CCDC148: variants seen among roughly 807,000 people sequenced by gnomAD.
CCDC148 encodes the protein coiled-coil domain containing 148.
A neutral mutation model predicts 85.7 loss-of-function variants in CCDC148; 89 were observed. The ratio of observed to expected loss-of-function variants is 1.04; its 90% CI spans 0.87 to 1.24. The LOEUF (loss-of-function observed/expected upper bound fraction) is 1.24, where lower values mean the gene tolerates loss of function less well. CCDC148 is among the 50% of genes most tolerant of loss of function. The pLI, the probability that CCDC148 is intolerant of heterozygous loss-of-function variation, is 0.00. For synonymous variants in CCDC148, 230 were observed against 213.9 expected, an observed-to-expected ratio of 1.08 and a Z score of -0.66; for missense variants, 692 against 671.7, an observed-to-expected ratio of 1.03 and a Z score of -0.33.
intron 9 of CCDC148, among the ~76,000 whole-genome samples, chr2:158,304,965 C>T (rs138746602): frequency 3.3e-5 from 5 of 152,114 alleles, no homozygotes; most frequent in Admixed American, 2.0e-4. Flanking sequence ...GACTATAGAA[C>T]CTGTGGAAGC....
At chr2:158,288,412 A>G (rs1690732790) in intron 9 of CCDC148, among the ~76,000 whole-genome samples, 1 of 152,190 alleles carries the variant, frequency 6.6e-6, no homozygotes, top group African/African-American at 2.4e-5. Context: ...AATGCCTTTA[A>G]CAGAACCCAG....
rs1259015472 is a variant in CCDC148 at position 158,171,911 on chromosome 2, T to C, written c.*202A>G. The C allele has an allele frequency of 4.7e-6, 2 of 423,454 alleles. No individual in the cohort carries two copies. Among genetic ancestry groups the C allele is most frequent in the Non-Finnish European group, 8.2e-6 (2 of 242,876 alleles). 26.2% of individuals were successfully genotyped at this position (423,454 alleles called of 1,614,324 possible). A position where few individuals can be genotyped will look rare whatever the true frequency, so the allele number is the denominator to read the frequency against. On this transcript the variant is annotated 3_prime_UTR_variant, in exon 14 of 14. Coordinates refer to ENST00000283233, the MANE Select transcript of CCDC148 (RefSeq NM_138803.4). ...AGTTCCATAATTTGGGGGAATTTAGTACTATTAAATATAACTTAAAGATAC... is the reference window on the plus strand; with the variant it reads ...AGTTCCATAATTTGGGGGAATTTAGCACTATTAAATATAACTTAAAGATAC...
At chr2:158,282,391 A>C (rs1193793757) in intron 9 of CCDC148, among the ~76,000 whole-genome samples, 15 of 152,298 alleles carry the variant, frequency 9.8e-5, no homozygotes, top group South Asian at 8.3e-4. Context: ...ATTGTCTCAG[A>C]CCAAAATCTC....
rs184448720 is a variant in CCDC148, at chr2:158,298,093, C to T, written c.1110+11340G>A. Among the ~76,000 whole-genome samples the T allele has an allele frequency of 7.9e-5, 12 of 152,242 alleles. No homozygotes were observed. In the East Asian group the frequency reaches 2.3e-3, roughly 29 times the overall value. On this transcript the variant is annotated intron_variant, in intron 9 of 13. Coordinates refer to ENST00000283233, the MANE Select transcript of CCDC148 (RefSeq NM_138803.4). The stretch of plus-strand genomic sequence containing the variant: ...ATGGTATCAGGAGAGAGAATGAGTG[C>T]CCAGCAAAGGGGGAAGCCCCTTATA...
chr2:158,268,510 A>G (rs889463626), intron 9 of CCDC148, among the ~76,000 whole-genome samples: 9 of 152,152 alleles, frequency 5.9e-5, no homozygotes, highest in Admixed American at 1.3e-4. Context: ...TGATGATTCT[A>G]TATCTATGAA....
chr2:158,176,935 A>G (rs1684620079), intron 12 of CCDC148, among the ~76,000 whole-genome samples: 1 of 152,102 alleles, frequency 6.6e-6, no homozygotes, highest in South Asian at 2.1e-4. Context: ...TCAGAAAACA[A>G]TTTATCTTTC....
chr2:158,259,848 C>T (rs1279401653), intron 9 of CCDC148, among the ~76,000 whole-genome samples: 1 of 151,902 alleles, frequency 6.6e-6, no homozygotes, highest in African/African-American at 2.4e-5. Flanking sequence ...TATCTCCATC[C>T]CAGGCCTTGC....
intron 11 of CCDC148, among the ~76,000 whole-genome samples, chr2:158,220,079 T>C (rs1304880935): frequency 1.3e-5 from 2 of 152,240 alleles, no homozygotes; most frequent in African/African-American, 4.8e-5. Context: ...ATGAGGAGAC[T>C]AGGCTACTTG....
chr2:158,258,625 A>T (rs1466324703), intron 9 of CCDC148, among the ~76,000 whole-genome samples: 2 of 151,746 alleles, frequency 1.3e-5, no homozygotes, highest in African/African-American at 4.8e-5. Context: ...CCTGTCCCTG[A>T]CACTCCATGT....
chr2:158,438,453 A>G (rs1483946461), intron 1 of CCDC148, among the ~76,000 whole-genome samples: 1 of 152,236 alleles, frequency 6.6e-6, no homozygotes, highest in Non-Finnish European at 1.5e-5. Context: ...TCCCTTCCTT[A>G]CACCTTACAC....
chr2:158,362,957 A>C (rs949571269), intron 1 of CCDC148, among the ~76,000 whole-genome samples: 6 of 152,198 alleles, frequency 3.9e-5, no homozygotes, highest in Non-Finnish European at 8.8e-5. Flanking sequence ...AGAATCAAAT[A>C]GACACAATAA....
At chr2:158,442,141 T>C (rs1687961051) in intron 1 of CCDC148, among the ~76,000 whole-genome samples, 1 of 152,186 alleles carries the variant, frequency 6.6e-6, no homozygotes, top group Admixed American at 6.5e-5. Flanking sequence ...AGCTCTGTTA[T>C]AAAAAACAAA....
intron 1 of CCDC148, among the ~76,000 whole-genome samples, chr2:158,388,679 G>C (rs1243093957): frequency 6.6e-6 from 1 of 152,050 alleles, no homozygotes; most frequent in African/African-American, 2.4e-5. Flanking sequence ...ATTTTTAGTA[G>C]AGACAGGGTT....
At chr2:158,191,197 C>A (rs1031255652) in intron 11 of CCDC148, among the ~76,000 whole-genome samples, 1 of 151,998 alleles carries the variant, frequency 6.6e-6, no homozygotes, top group Non-Finnish European at 1.5e-5. Flanking sequence ...CTCCCTCAAA[C>A]AAATGATTTA....
chr2:158,406,134 C>T (rs2105309958), intron 1 of CCDC148, among the ~76,000 whole-genome samples: 1 of 152,152 alleles, frequency 6.6e-6, no homozygotes, highest in South Asian at 2.1e-4. Context: ...TGTAACCTTC[C>T]TACCCAGATT....
intron 11 of CCDC148, among the ~76,000 whole-genome samples, chr2:158,189,116 G>T (rs973450419): frequency 1.3e-5 from 2 of 151,914 alleles, no homozygotes; most frequent in Admixed American, 1.3e-4. Flanking sequence ...AGGTTGAAGA[G>T]AAAGGGAACA....
chr2:158,388,543 G>A (rs1335615787), intron 1 of CCDC148, among the ~76,000 whole-genome samples: 2 of 152,084 alleles, frequency 1.3e-5, no homozygotes, highest in Non-Finnish European at 2.9e-5. Flanking sequence ...CACCCAGGCT[G>A]GAGTGCAATG....
rs773159918 is a variant in CCDC148, at chr2:158,340,323, T to G, written c.405A>C (p.Ala135=). The G allele has an allele frequency of 6.2e-7, 1 of 1,614,008 alleles. No homozygotes were observed. Among genetic ancestry groups the G allele is most frequent in the Non-Finnish European group, 8.5e-7 (1 of 1,179,946 alleles). The part of the protein sequence containing the change: ...NVINPIQQLR[A]DLKYRQHHTL... Reference sequence around the variant, plus strand: ...TGTGATGCTGTCTGTATTTTAGATCTGCTCTCAGCTGCTGAATAGGATTTA... The same window carrying G: ...TGTGATGCTGTCTGTATTTTAGATCGGCTCTCAGCTGCTGAATAGGATTTA... Residue 135 remains alanine (A), a synonymous_variant, in exon 5 of 14, where the codon GCA becomes GCC. Transcript: ENST00000283233.
intron 1 of CCDC148, among the ~76,000 whole-genome samples, chr2:158,407,358 A>G (rs1476260503): frequency 6.6e-6 from 1 of 152,066 alleles, no homozygotes; most frequent in East Asian, 1.9e-4. Context: ...TCCTTCTTGA[A>G]TTGCATGATC....
Sources: allele counts gnomAD v4.1 joint callset (sites outside exome capture counted in the v4.1 genomes callset), GRCh38; gene constraint gnomAD v4.1.1; transcripts MANE v1.5; gene names NCBI Gene and HGNC (gene_info 2026-07-23, HGNC 2026-07-21).